The following PTPRE variants were observed in gnomAD, a reference collection of about 807,000 sequenced individuals.
PTPRE encodes protein tyrosine phosphatase receptor type E.
In PTPRE, 51 loss-of-function variants were observed where a neutral mutation model predicts 102.0. The ratio of observed to expected loss-of-function variants is 0.50; its 90% confidence interval spans 0.40 to 0.63. The LOEUF is 0.63. Ranked by LOEUF, PTPRE falls within the 30% of genes least tolerant of loss-of-function variation. The pLI is 0.00. For missense variants in PTPRE, 752 were observed against 915.1 expected, an observed-to-expected ratio of 0.82 and a Z score of 2.30; for synonymous variants, 345 against 348.2, an observed-to-expected ratio of 0.99 and a Z score of 0.10.
At chr10:128,034,591 G>A (rs1847055882) in intron 2 of PTPRE, among the ~76,000 whole-genome samples, 1 of 152,156 alleles carries the variant, frequency 6.6e-6, no homozygotes, top group African/African-American at 2.4e-5. Context: ...CAGCTACTTG[G>A]GAGGCTGAGA....
At chr10:128,030,244 CGTT>C (rs1315571281) in intron 2 of PTPRE, among the ~76,000 whole-genome samples, 1 of 152,346 alleles carries the variant, frequency 6.6e-6, no homozygotes, top group East Asian at 1.9e-4. Context: ...GGGGCCACGC[CGTT>C]ACAATAACCA....
intron 18 of PTPRE, 123 bp from the exon 19 acceptor site, chr10:128,077,494 T>C: frequency 8.1e-7 from 1 of 1,236,874 alleles, no homozygotes. Context: ...TCGGTGGGGA[T>C]GTTGGCAGCA....
rs1232917618 is a variant in PTPRE, at chr10:127,911,819, GC to G, written c.-31+4513del. ...AGCGTGCTGCCAATTTTAGGTACTG[GC>G]CCTAGACATATCAAGAGTTTATTTT... On this transcript the variant is annotated intron_variant, in intron 1 of 20. Transcript: ENST00000254667. 2.0e-5 allele frequency among the ~76,000 whole-genome samples: 3 copies of G among 152,242 alleles called. No individual in the cohort carries two copies. The East Asian group carries it at 5.8e-4, about 29-fold the overall frequency.
At chr10:128,057,343 C>G (rs563073990) in intron 7 of PTPRE, among the ~76,000 whole-genome samples, 1 of 152,330 alleles carries the variant, frequency 6.6e-6, no homozygotes, top group African/African-American at 2.4e-5. Flanking sequence ...TCAAAGGGCT[C>G]CACTAAGTTC....
intron 1 of PTPRE, among the ~76,000 whole-genome samples, chr10:127,952,255 A>T (rs182005015): frequency 1.2e-3 from 176 of 152,330 alleles, no homozygotes; most frequent in South Asian, 8.7e-3. Flanking sequence ...AAATCAGCTT[A>T]GGTCAGCAAA....
At chr10:127,970,555 C>G (rs959831631) in intron 1 of PTPRE, among the ~76,000 whole-genome samples, 2 of 151,884 alleles carry the variant, frequency 1.3e-5, no homozygotes, top group African/African-American at 4.8e-5. Flanking sequence ...CCTGAAGCAC[C>G]TACACAGTGG....
At chr10:127,925,537 G>C (rs974382663) in intron 1 of PTPRE, among the ~76,000 whole-genome samples, 2 of 152,206 alleles carry the variant, frequency 1.3e-5, no homozygotes, top group Admixed American at 1.3e-4. Context: ...TGGAGAACAA[G>C]GCTCAGAAAA....
chr10:128,075,317 C>T (rs962083032), intron 17 of PTPRE, among the ~76,000 whole-genome samples: 1 of 152,158 alleles, frequency 6.6e-6, no homozygotes, highest in Non-Finnish European at 1.5e-5. Context: ...GAGACAAGTG[C>T]AGAATGTATA....
At chr10:128,042,032 C>G (rs1275315633) in intron 3 of PTPRE, among the ~76,000 whole-genome samples, 1 of 152,174 alleles carries the variant, frequency 6.6e-6, no homozygotes, top group East Asian at 1.9e-4. Flanking sequence ...ATGTTGAAAC[C>G]TCAGAGAAAT....
chr10:128,016,691 C>A (rs1281305348), intron 2 of PTPRE, among the ~76,000 whole-genome samples: 3 of 151,968 alleles, frequency 2.0e-5, no homozygotes, highest in African/African-American at 7.3e-5. Context: ...ACAGGGACAG[C>A]CAGAAAGGTC....
intron 1 of PTPRE, among the ~76,000 whole-genome samples, chr10:127,932,775 C>T (rs114366115): frequency 0.013 from 1,927 of 150,602 alleles, 40 homozygotes; most frequent in African/African-American, 0.044. Flanking sequence ...CTCATCGTCT[C>T]ACTTGACGAA....
In PTPRE at chr10:127,916,341, TCACTTCACTGTG is replaced by T. The variant is rs528144547; in HGVS notation, c.-31+9051_-31+9062del. On this transcript the variant is annotated intron_variant, in intron 1 of 20. Transcript: ENST00000254667. ...GGTTTTATAAGGGGCTCTTCCCCCT[TCACTTCACTGTG>T]CACTTCACTGTGCACTTCTCCTTCC... Among the ~76,000 whole-genome samples, 724 of 152,198 alleles carry T rather than the reference TCACTTCACTGTG, an allele frequency of 4.8e-3. 5 individuals carry two copies. The highest frequency in any genetic ancestry group is 0.016 in the African/African-American group (658 of 41,466).
At chr10:128,051,429 G>C (rs1848556257) in intron 6 of PTPRE, among the ~76,000 whole-genome samples, 1 of 152,234 alleles carries the variant, frequency 6.6e-6, no homozygotes, top group South Asian at 2.1e-4. Flanking sequence ...AATACAGGCA[G>C]TCCCTGGTGA....
At chr10:127,909,119 A>AC (rs1845688802) in intron 1 of PTPRE, among the ~76,000 whole-genome samples, 1 of 151,702 alleles carries the variant, frequency 6.6e-6, no homozygotes, top group Non-Finnish European at 1.5e-5. Context: ...CAGCACCGCC[A>AC]CCTCCACGGA....
rs766906298 is a variant in PTPRE, at chr10:128,068,109, C to G, written c.844-14C>G. ...ATTGTTTCACCCACTCTTGTCTCCCCGCGTCCCCCGCAGCAGCTCCCCGAC... is the reference window on the plus strand; with the variant it reads ...ATTGTTTCACCCACTCTTGTCTCCCGGCGTCCCCCGCAGCAGCTCCCCGAC... On this transcript the variant is annotated splice_polypyrimidine_tract_variant and intron_variant, in intron 11 of 20. Transcript: ENST00000254667. 1 of 1,607,914 alleles carries G rather than the reference C, an allele frequency of 6.2e-7. No homozygotes were observed. The highest frequency in any genetic ancestry group is 1.1e-5 in the South Asian group (1 of 90,548).
At chr10:127,989,307 G>T (rs977544693) in intron 2 of PTPRE, among the ~76,000 whole-genome samples, 16 of 152,274 alleles carry the variant, frequency 1.1e-4, no homozygotes, top group Admixed American at 4.6e-4. Flanking sequence ...AACAGGATTT[G>T]CTCTATTTCC....
At chr10:127,937,395 C>T (rs4750925) in intron 1 of PTPRE, among the ~76,000 whole-genome samples, 57,407 of 151,888 alleles carry the variant, frequency 0.38, 11,689 homozygotes, top group African/African-American at 0.53. Flanking sequence ...GTGGAATTGA[C>T]AATATGAATC....
chr10:128,029,176 G>A (rs569731189), intron 2 of PTPRE, among the ~76,000 whole-genome samples: 82 of 152,278 alleles, frequency 5.4e-4, no homozygotes, highest in African/African-American at 1.9e-3. Flanking sequence ...CGGAAGGCTC[G>A]TGGGGGCTCA....
chr10:128,077,865 C>T (rs1025315065), intron 19 of PTPRE, 82 bp downstream of exon 19: 2 of 1,460,030 alleles, frequency 1.4e-6, no homozygotes, highest in Non-Finnish European at 1.8e-6. Context: ...GGCAGCAGAG[C>T]CTGGTCGCTG....
Sources: allele counts gnomAD v4.1 joint callset (sites outside exome capture counted in the v4.1 genomes callset), GRCh38; gene constraint gnomAD v4.1.1; transcripts MANE v1.5; gene names NCBI Gene and HGNC (gene_info 2026-07-23, HGNC 2026-07-21).